The following MPRIP variants were observed in gnomAD, a reference collection of about 807,000 sequenced individuals.
MPRIP encodes myosin phosphatase Rho-interacting protein.
A neutral mutation model predicts 234.9 loss-of-function variants in MPRIP; 59 were observed. The observed-to-expected ratio is 0.25, with a 90% CI of 0.20 to 0.31. The LOEUF (loss-of-function observed/expected upper bound fraction) is 0.31, where lower values mean the gene tolerates loss of function less well. Among genes scored for constraint, MPRIP ranks in the 10% least tolerant of loss-of-function variants. The pLI, the probability that MPRIP is intolerant of heterozygous loss-of-function variation, is 1.00. For synonymous variants in MPRIP, 1,144 were observed against 1,263.9 expected (o/e 0.91, Z 2.01); for missense variants, 2,436 against 3,071.0 (o/e 0.79, Z 4.89).
At position 17,164,818 on chromosome 17, in the gene MPRIP, G is replaced by A; in HGVS notation, c.3227G>A (p.Ser1076Asn). The A allele has an allele frequency of 7.7e-7, 1 of 1,304,222 alleles. No individual in the cohort carries two copies. The highest frequency in any genetic ancestry group is 1.0e-6 in the Non-Finnish European group (1 of 988,954). The allele number at this position is 1,304,222 out of a possible 1,614,324, so 80.8% of individuals were successfully genotyped here. A position where few individuals can be genotyped will look rare whatever the true frequency, so the allele number is the denominator to read the frequency against. Residue 1076 changes from serine (S) to asparagine (N), a missense_variant, in exon 16 of 24, where the codon AGT becomes AAT. Transcript: ENST00000651222. ...KEKLSATFEG[S>N]EQVHQLEEQL... Reference sequence around the variant, plus strand: ...AAGCTGAGCGCCACTTTCGAGGGCAGTGAGCAGGTGCACCAGCTGGAGGAG... The same window carrying A: ...AAGCTGAGCGCCACTTTCGAGGGCAATGAGCAGGTGCACCAGCTGGAGGAG...
chr17:17,085,440 G>A (rs749977484), intron 3 of MPRIP, among the ~76,000 whole-genome samples: 67 of 152,330 alleles, frequency 4.4e-4, no homozygotes, highest in Admixed American at 1.4e-3. Context: ...ATTCCCGCGG[G>A]GTCCCTAGGT....
intron 15 of MPRIP, 141 bp from the exon 16 acceptor site, chr17:17,163,967 TG>T: frequency 2.3e-6 from 1 of 430,382 alleles, no homozygotes; most frequent in Non-Finnish European, 3.7e-6. Context: ...ATTTTTTTAA[TG>T]GGAAAAAAAA....
intron 16 of MPRIP, chr17:17,168,236 C>A (rs534683675): frequency 3.7e-6 from 1 of 273,332 alleles, no homozygotes; most frequent in Non-Finnish European, 7.2e-6. Context: ...GCCCCCAATC[C>A]CCTTGCCAGC....
intron 9 of MPRIP, among the ~76,000 whole-genome samples, 187 bp from the exon 10 acceptor site, chr17:17,145,849 G>A (rs369531322): frequency 5.9e-5 from 9 of 152,174 alleles, no homozygotes; most frequent in East Asian, 1.9e-4. Flanking sequence ...TCAAGGTCGC[G>A]TGTGCCTACA....
Position 17,137,140 on chromosome 17 carries a change from G to A in MPRIP, c.736+690G>A, listed in dbSNP as rs188267485. Among the ~76,000 whole-genome samples the A allele has an allele frequency of 3.9e-5, 6 of 152,232 alleles. No homozygotes were observed. In the East Asian group the frequency reaches 1.2e-3, roughly 29 times the overall value. Reference sequence around the variant, plus strand: ...GAAGGTGTCTGAATCTTCCTCTCAGGCCTATCCATTCAAAAATCTATTCAC... The same window carrying A: ...GAAGGTGTCTGAATCTTCCTCTCAGACCTATCCATTCAAAAATCTATTCAC... On this transcript the variant is annotated intron_variant, in intron 6 of 23. Transcript: ENST00000651222.
intron 1 of MPRIP, among the ~76,000 whole-genome samples, chr17:17,065,818 CT>C (rs2089007778): frequency 6.6e-6 from 1 of 152,156 alleles, no homozygotes; most frequent in Non-Finnish European, 1.5e-5. Context: ...TTTAGATCTT[CT>C]TTGATTTCTC....
Position 17,166,547 on chromosome 17 carries a change from AAGCATCCCAC to A in MPRIP, c.4959_4968del (p.Ser1653ArgfsTer24). The A allele has an allele frequency of 7.7e-7, 1 of 1,304,210 alleles. No homozygotes were observed. Among genetic ancestry groups the A allele is most frequent in the Non-Finnish European group, 1.0e-6 (1 of 988,962 alleles). The allele number at this position is 1,304,210 out of a possible 1,614,324, so 80.8% of individuals were successfully genotyped here. On this transcript the variant is annotated frameshift_variant, in exon 16 of 24. Coordinates refer to ENST00000651222, the MANE Select transcript of MPRIP (RefSeq NM_001364716.4). LOFTEE classifies it high-confidence loss of function. The surrounding 1 kb of genome is among the most constrained non-coding windows in gnomAD (Gnocchi z 4.4). Reference sequence around the variant, plus strand: ...TCGGTGCCTCAGGAGACGGGCAGCAAAGCATCCCACAGGGCCTGGCCCCCATCCTGGCCAA... The same window carrying A: ...TCGGTGCCTCAGGAGACGGGCAGCAAAGGGCCTGGCCCCCATCCTGGCCAA...
At chr17:17,050,589 G>C (rs1185120868) in intron 1 of MPRIP, among the ~76,000 whole-genome samples, 1 of 152,210 alleles carries the variant, frequency 6.6e-6, no homozygotes, top group South Asian at 2.1e-4. Flanking sequence ...AAGGTTCCTG[G>C]AGTGCTGCTT....
At chr17:17,134,021 C>T (rs1352585992) in intron 5 of MPRIP, among the ~76,000 whole-genome samples, 1 of 152,176 alleles carries the variant, frequency 6.6e-6, no homozygotes, top group African/African-American at 2.4e-5. Context: ...CATCTCCCAG[C>T]CCCCCAGGTT....
At chr17:17,120,828 G>GAAC (rs1398986548) in intron 3 of MPRIP, among the ~76,000 whole-genome samples, 1 of 152,220 alleles carries the variant, frequency 6.6e-6, no homozygotes, top group East Asian at 1.9e-4. Flanking sequence ...GAGCTGAGGC[G>GAAC]TTCCTTCTGG....
rs527967178 is a variant in MPRIP at position 17,179,622 on chromosome 17, G to A, written c.7121-381G>A. On this transcript the variant is annotated intron_variant, in intron 22 of 23. Transcript: ENST00000651222. ...GCCTTGGCCTTATCATCTTGCTTTA[G>A]ACAGCCCTGTGCTACCAGGAGGAAG... 3.4e-5 allele frequency: 6 copies of A among 178,832 alleles called. No individual in the cohort carries two copies. In the South Asian group the frequency reaches 7.2e-4, roughly 21 times the overall value. The allele number at this position is 178,832 out of a possible 1,614,324, so 11.1% of individuals were successfully genotyped here.
At chr17:17,126,286 G>C (rs2090488663) in intron 3 of MPRIP, among the ~76,000 whole-genome samples, 1 of 152,138 alleles carries the variant, frequency 6.6e-6, no homozygotes, top group African/African-American at 2.4e-5. Context: ...CAAGGATGTG[G>C]CTTCTCTCTG....
At chr17:17,150,271 A>G in intron 12 of MPRIP, 38 bp downstream of exon 12, 1 of 1,491,296 alleles carries the variant, frequency 6.7e-7, no homozygotes, top group Non-Finnish European at 9.4e-7. Context: ...CAGGCTTGAC[A>G]GGCAGGGATG....
At chr17:17,079,613 A>G (rs192687532) in intron 3 of MPRIP, among the ~76,000 whole-genome samples, 1 of 152,350 alleles carries the variant, frequency 6.6e-6, no homozygotes, top group Admixed American at 6.5e-5. Context: ...ACTTAACAGT[A>G]TCAGAGGAGC....
At chr17:17,073,607 T>C (rs1252923107) in intron 1 of MPRIP, among the ~76,000 whole-genome samples, 2 of 152,062 alleles carry the variant, frequency 1.3e-5, no homozygotes, top group Admixed American at 6.5e-5. Context: ...TTGTGGCCGG[T>C]GAGAGGCCGA....
chr17:17,178,228 A>G (rs1394182376), intron 22 of MPRIP, among the ~76,000 whole-genome samples: 1 of 152,144 alleles, frequency 6.6e-6, no homozygotes, highest in Non-Finnish European at 1.5e-5. Context: ...TGGCCAGATT[A>G]TACATAATTT....
intron 3 of MPRIP, among the ~76,000 whole-genome samples, chr17:17,113,880 C>CTTTTTTTTTTTTTTTTTTTTTT (rs1236846171): frequency 1.1e-5 from 1 of 93,228 alleles, no homozygotes; most frequent in African/African-American, 5.3e-5. Context: ...CTTTTCTTTT[C>CTTTTTTTTTTTTTTTTTTTTTT]TTTTCTTTTT....
intron 3 of MPRIP, among the ~76,000 whole-genome samples, chr17:17,108,415 G>C (rs1408100146): frequency 6.6e-6 from 1 of 152,204 alleles, no homozygotes; most frequent in Non-Finnish European, 1.5e-5. Flanking sequence ...TGAGGCAGTG[G>C]TTCCCAGCCT....
chr17:17,130,703 C>G (rs929407435), intron 4 of MPRIP, among the ~76,000 whole-genome samples: 4 of 152,084 alleles, frequency 2.6e-5, no homozygotes, highest in Admixed American at 6.5e-5. Context: ...TAGGGCTGCC[C>G]TTGCACAACC....
Sources: gnomAD v4.1 joint callset for allele counts (sites outside exome capture counted in the v4.1 genomes callset) on GRCh38, gnomAD v4.1.1 for gene constraint, Gnocchi (gnomAD v3.1) non-coding constraint, MANE v1.5 for transcripts, NCBI Gene and HGNC (gene_info 2026-07-23, HGNC 2026-07-21) for gene names.